Variants in CACNA1C observed in about 807,000 individuals in gnomAD.
CACNA1C encodes calcium voltage-gated channel subunit alpha1 C.
A neutral mutation model predicts 229.0 loss-of-function variants in CACNA1C; 30 were observed. That is an observed-to-expected ratio of 0.13 (90% CI 0.10 to 0.18). CACNA1C has a LOEUF of 0.18. CACNA1C is among the 10% of genes least tolerant of loss of function. The pLI is 1.00. For synonymous variants in CACNA1C, 1,114 were observed against 1,132.5 expected, an observed-to-expected ratio of 0.98 and a Z score of 0.33; for missense variants, 1,658 against 2,845.0, an observed-to-expected ratio of 0.58 and a Z score of 9.49.
intron 4 of CACNA1C, among the ~76,000 whole-genome samples, chr12:2,456,205 A>C (rs948711212): frequency 1.3e-5 from 2 of 152,122 alleles, no homozygotes; most frequent in African/African-American, 4.8e-5. Flanking sequence ...CATCTAGTCC[A>C]TCAGCCAGTC....
At chr12:2,151,696 C>T (rs1289328417) in intron 3 of CACNA1C, among the ~76,000 whole-genome samples, 2 of 152,128 alleles carry the variant, frequency 1.3e-5, no homozygotes, top group African/African-American at 2.4e-5. Context: ...TTTACCTTGT[C>T]TTGGCCTCCA....
chr12:2,475,320 G>C (rs2154568618), intron 5 of CACNA1C, among the ~76,000 whole-genome samples: 1 of 151,872 alleles, frequency 6.6e-6, no homozygotes, highest in South Asian at 2.1e-4. Flanking sequence ...GAAAAGAAAA[G>C]AAAAGAAGGT....
At chr12:2,122,261 G>A (rs1166645637) in intron 3 of CACNA1C, among the ~76,000 whole-genome samples, 1 of 152,192 alleles carries the variant, frequency 6.6e-6, no homozygotes, top group Non-Finnish European at 1.5e-5. Flanking sequence ...GCACAACTGT[G>A]TAACTTTACC....
At chr12:2,612,259 C>T (rs1459743811) in intron 29 of CACNA1C, 9 of 467,764 alleles carry the variant, frequency 1.9e-5, no homozygotes, top group Admixed American at 1.7e-4. Flanking sequence ...GCAGATTCCT[C>T]GCTGAGCTGA....
intron 4 of CACNA1C, among the ~76,000 whole-genome samples, chr12:2,450,395 A>C (rs1210681478): frequency 2.0e-5 from 3 of 151,774 alleles, no homozygotes; most frequent in Non-Finnish European, 4.4e-5. Flanking sequence ...TCTACTAAAA[A>C]TACAAAAACT....
intron 3 of CACNA1C, among the ~76,000 whole-genome samples, chr12:2,337,775 A>G (rs1425057785): frequency 6.6e-6 from 1 of 152,200 alleles, no homozygotes; most frequent in South Asian, 2.1e-4. Flanking sequence ...GGAACTGAGT[A>G]ACACCCTCCA....
intron 3 of CACNA1C, among the ~76,000 whole-genome samples, chr12:2,328,970 G>T (rs2154513075): frequency 6.6e-6 from 1 of 152,308 alleles, no homozygotes; most frequent in East Asian, 1.9e-4. Context: ...AGTACTGCTT[G>T]TTGTCACCCT....
At chr12:2,342,311 C>T (rs574944761) in intron 3 of CACNA1C, among the ~76,000 whole-genome samples, 5 of 152,234 alleles carry the variant, frequency 3.3e-5, no homozygotes, top group African/African-American at 1.2e-4. Context: ...TGCCCTGTCT[C>T]GTCACTTATA....
At chr12:2,062,662 C>A (rs1033092081) in intron 1 of CACNA1C, among the ~76,000 whole-genome samples, 3 of 152,288 alleles carry the variant, frequency 2.0e-5, no homozygotes, top group Non-Finnish European at 2.9e-5. Context: ...CCCCTTATTC[C>A]CAGGGTTTCT....
At chr12:2,528,762 G>A (rs551323970) in intron 9 of CACNA1C, among the ~76,000 whole-genome samples, 2 of 152,310 alleles carry the variant, frequency 1.3e-5, no homozygotes, top group South Asian at 4.1e-4. Context: ...CATGGGGAAA[G>A]GTGATTGGGG....
At chr12:2,391,823 G>A (rs2098484841) in intron 3 of CACNA1C, among the ~76,000 whole-genome samples, 1 of 152,206 alleles carries the variant, frequency 6.6e-6, no homozygotes, top group Non-Finnish European at 1.5e-5. Flanking sequence ...CTAACCAAGT[G>A]TGGCTATTTA....
chr12:2,337,180 T>G (rs1593227734), intron 3 of CACNA1C, among the ~76,000 whole-genome samples: 1 of 152,130 alleles, frequency 6.6e-6, no homozygotes, highest in South Asian at 2.1e-4. Context: ...AAGACCAAGG[T>G]TTTGGGATTC....
rs1386735904 is a variant in CACNA1C at position 2,647,898 on chromosome 12, G to C, written c.3913-577G>C. Among the ~76,000 whole-genome samples, 1 of 152,220 alleles carries C rather than the reference G, an allele frequency of 6.6e-6. No homozygotes were observed. Among genetic ancestry groups the C allele is most frequent in the Admixed American group, 6.5e-5 (1 of 15,278 alleles). The stretch of plus-strand genomic sequence containing the variant: ...AGTACTTTGGGAGGCCAAGGCAGGA[G>C]GATCGCTTGAGGCCAGCCCACGAGT... On this transcript the variant is annotated intron_variant, in intron 30 of 46. Transcript: ENST00000399655. This position sits in a 1 kb window ranked among gnomAD's most constrained non-coding sequence, Gnocchi z 4.2.
chr12:2,064,501 G>A (rs1247966869), intron 1 of CACNA1C, among the ~76,000 whole-genome samples: 2 of 152,220 alleles, frequency 1.3e-5, no homozygotes, highest in East Asian at 3.9e-4. Flanking sequence ...ATTAATAAGG[G>A]ATCTCTGCCT....
chr12:2,101,497 G>A (rs1351657899), intron 1 of CACNA1C, among the ~76,000 whole-genome samples: 2 of 152,178 alleles, frequency 1.3e-5, no homozygotes, highest in East Asian at 3.9e-4. Flanking sequence ...TCCTCACCGT[G>A]CAGAACAGAA....
chr12:2,283,790 A>T (rs1169135479), intron 3 of CACNA1C, among the ~76,000 whole-genome samples: 4 of 152,172 alleles, frequency 2.6e-5, no homozygotes, highest in African/African-American at 9.7e-5. Context: ...CTTTCAATAG[A>T]AAGGGCCTAG....
At chr12:2,330,969 T>TA (rs2096528115) in intron 3 of CACNA1C, among the ~76,000 whole-genome samples, 1 of 152,162 alleles carries the variant, frequency 6.6e-6, no homozygotes, top group Non-Finnish European at 1.5e-5. Flanking sequence ...GTTACAACTT[T>TA]AAAAAACTGG....
intron 3 of CACNA1C, among the ~76,000 whole-genome samples, chr12:2,333,140 G>A (rs2096597070): frequency 6.6e-6 from 1 of 152,218 alleles, no homozygotes. Flanking sequence ...ACAACGTGGA[G>A]TGTGGCACAC....
intron 4 of CACNA1C, among the ~76,000 whole-genome samples, chr12:2,451,899 C>G (rs1465140752): frequency 6.6e-6 from 1 of 152,238 alleles, no homozygotes; most frequent in Non-Finnish European, 1.5e-5. Flanking sequence ...CACCTAGTCT[C>G]TCTTCTCCTA....
Sources: gnomAD v4.1 joint callset for allele counts (sites outside exome capture counted in the v4.1 genomes callset) on GRCh38, gnomAD v4.1.1 for gene constraint, Gnocchi (gnomAD v3.1) non-coding constraint, MANE v1.5 for transcripts, NCBI Gene and HGNC (gene_info 2026-07-23, HGNC 2026-07-21) for gene names.